AMELY: variants seen among roughly 807,000 people sequenced by gnomAD.
AMELY encodes amelogenin Y-linked.
Under a neutral mutation model 4.2 loss-of-function variants are expected in AMELY, and 4 were observed. The observed-to-expected ratio is 0.96, with a 90% confidence interval of 0.47 to 2.19. The LOEUF (loss-of-function observed/expected upper bound fraction) is 2.19. Among genes scored for constraint, AMELY ranks in the 30% most tolerant of loss-of-function variants. AMELY has a pLI of 0.02. For missense variants in AMELY, 32 were observed against 41.5 expected (o/e 0.77, Z 0.63); for synonymous variants, 11 against 14.7 (o/e 0.75, Z 0.57).
intron 1 of AMELY, among the ~76,000 whole-genome samples, chrY:6,885,884 G>C (rs2054079790): frequency 2.9e-5 from 1 of 34,333 alleles, no homozygotes; most frequent in African/African-American, 1.1e-4. Flanking sequence ...TTGGAAGGTG[G>C]CATGGGAGTG....
chrY:6,907,466 A>G (rs2011667243), intron 1 of AMELY, among the ~76,000 whole-genome samples: 2 of 32,109 alleles, frequency 6.2e-5, no homozygotes, highest in African/African-American at 1.2e-4. Context: ...TTTGTCTTTT[A>G]CATTTAGGGC....
intron 1 of AMELY, among the ~76,000 whole-genome samples, chrY:6,905,908 T>C: frequency 3.0e-5 from 1 of 33,243 alleles, no homozygotes; most frequent in Admixed American, 2.8e-4. Context: ...TTCATGTTTA[T>C]ATGCGATATG....
intron 1 of AMELY, among the ~76,000 whole-genome samples, chrY:6,884,112 C>A: frequency 3.1e-5 from 1 of 32,032 alleles, no homozygotes; most frequent in Non-Finnish European, 7.6e-5. Flanking sequence ...TACTATGCAG[C>A]CATAAAAAAA....
In AMELY at chrY:6,868,558, T is replaced by C. The variant is rs778712863; in HGVS notation, c.148-96A>G. The C allele has an allele frequency of 7.2e-5, 26 of 358,823 alleles. No individual in the cohort carries two copies. The East Asian group carries it at 2.4e-3, about 34-fold the overall frequency. 89.5% of individuals were successfully genotyped at this position (358,823 alleles called of 400,897 possible). ...CTTTGCCATTATGGCCATAGGAATATTGTATTTATCTTTCCTTTGCAAAAA... is the reference window on the plus strand; with the variant it reads ...CTTTGCCATTATGGCCATAGGAATACTGTATTTATCTTTCCTTTGCAAAAA... On this transcript the variant is annotated intron_variant, in intron 5 of 6. Transcript: ENST00000651267.
intron 1 of AMELY, among the ~76,000 whole-genome samples, chrY:6,896,709 TGCCTGTAGTTCCA>T (rs2054086434): frequency 3.0e-5 from 1 of 33,398 alleles, no homozygotes; most frequent in African/African-American, 1.2e-4. Flanking sequence ...TTGTGGCACA[TGCCTGTAGTTCCA>T]GCTACTCAGG....
At chrY:6,882,195 C>A in intron 1 of AMELY, among the ~76,000 whole-genome samples, 1 of 32,959 alleles carries the variant, frequency 3.0e-5, no homozygotes. Context: ...GACTATACTG[C>A]AAGGCTATAG....
chrY:6,870,234 G>A, intron 3 of AMELY, among the ~76,000 whole-genome samples, 181 bp from the exon 4 acceptor site: 1 of 33,544 alleles, frequency 3.0e-5, no homozygotes, highest in Non-Finnish European at 7.4e-5. Flanking sequence ...GTTAAAACAA[G>A]TGTGCTATGT....
At chrY:6,872,837 T>C (rs747723257) in intron 2 of AMELY, among the ~76,000 whole-genome samples, 10 of 33,524 alleles carry the variant, frequency 3.0e-4, no homozygotes, top group African/African-American at 1.1e-3. Context: ...GGTTGGAAAC[T>C]GAACAAGTTG....
Position 6,874,084 on chromosome Y carries a change from A to G in AMELY, c.-112-13T>C. On this transcript the variant is annotated splice_polypyrimidine_tract_variant and intron_variant, in intron 1 of 6. Transcript: ENST00000651267. Reference sequence around the variant, plus strand: ...TCCTTCAAGGTATCTACAACAACCAATCAGATTTGTGAAGAAAAAATGTGT... The same window carrying G: ...TCCTTCAAGGTATCTACAACAACCAGTCAGATTTGTGAAGAAAAAATGTGT... 6.0e-5 allele frequency: 2 copies of G among 33,134 alleles called. No homozygotes were observed. Among genetic ancestry groups the G allele is most frequent in the Admixed American group, 5.6e-4 (2 of 3,556 alleles). The allele number at this position is 33,134 out of a possible 400,897, so 8.3% of individuals were successfully genotyped here.
In AMELY at chrY:6,886,886, A is replaced by T; in HGVS notation, c.-112-12815T>A. Among the ~76,000 whole-genome samples the T allele has an allele frequency of 1.2e-4, 4 of 33,671 alleles. No individual in the cohort carries two copies. The South Asian group carries it at 2.6e-3, about 22-fold the overall frequency. The allele number at this position is 33,671 out of a possible 37,273, so 90.3% of individuals were successfully genotyped here. A position where few individuals can be genotyped will look rare whatever the true frequency, so the allele number is the denominator to read the frequency against. ...TCTACAAATATACGTTCAATGAATCACAAAAAAGATGATGCTAAAGACAAA... is the reference window on the plus strand; with the variant it reads ...TCTACAAATATACGTTCAATGAATCTCAAAAAAGATGATGCTAAAGACAAA... On this transcript the variant is annotated intron_variant, in intron 1 of 6. Coordinates refer to ENST00000651267, the MANE Select transcript of AMELY (RefSeq NM_001143.2).
intron 4 of AMELY, among the ~76,000 whole-genome samples, chrY:6,869,727 T>C (rs944519792): frequency 5.4e-4 from 18 of 33,346 alleles, no homozygotes; most frequent in Non-Finnish European, 1.1e-3. Context: ...TGCCCTTTCA[T>C]GGAACCTTCC....
At chrY:6,884,226 A>C in intron 1 of AMELY, among the ~76,000 whole-genome samples, 1 of 26,623 alleles carries the variant, frequency 3.8e-5, no homozygotes, top group Admixed American at 3.7e-4. Flanking sequence ...GTGGGAGGTG[A>C]ACAATTAGAA....
chrY:6,867,486 G>A, intron 6 of AMELY, among the ~76,000 whole-genome samples: 1 of 33,270 alleles, frequency 3.0e-5, no homozygotes, highest in East Asian at 7.8e-4. Flanking sequence ...GCACTAAAAA[G>A]GACTCTAACA....
At chrY:6,867,187 A>G in intron 6 of AMELY, among the ~76,000 whole-genome samples, 1 of 33,453 alleles carries the variant, frequency 3.0e-5, no homozygotes, top group Non-Finnish European at 7.3e-5. Flanking sequence ...GGGCAAAGCC[A>G]GAACTTGAAC....
At chrY:6,877,611 A>T in intron 1 of AMELY, among the ~76,000 whole-genome samples, 1 of 32,691 alleles carries the variant, frequency 3.1e-5, no homozygotes, top group South Asian at 7.3e-4. Context: ...TACCAGCTGG[A>T]CGGGGACCTG....
intron 4 of AMELY, 110 bp from the exon 5 acceptor site, chrY:6,868,886 A>G: frequency 4.0e-6 from 1 of 250,004 alleles, no homozygotes; most frequent in Non-Finnish European, 6.8e-6. Context: ...TCCTGTCAAC[A>G]TTGATAGCCT....
chrY:6,887,372 T>A, intron 1 of AMELY, among the ~76,000 whole-genome samples: 1 of 34,037 alleles, frequency 2.9e-5, no homozygotes, highest in South Asian at 6.6e-4. Context: ...TACAAATTTA[T>A]ATTGATGAAC....
At chrY:6,910,308 C>G (rs771056200) in intron 1 of AMELY, among the ~76,000 whole-genome samples, 1 of 32,466 alleles carries the variant, frequency 3.1e-5, no homozygotes, top group South Asian at 7.0e-4. Context: ...GGACAGGTGA[C>G]GGGAGTTCCG....
At chrY:6,866,828 G>A in intron 6 of AMELY, among the ~76,000 whole-genome samples, 1 of 28,550 alleles carries the variant, frequency 3.5e-5, no homozygotes, top group Non-Finnish European at 8.1e-5. Context: ...TTTTCCCTTC[G>A]TGTTTTTAGT....
Sources: gnomAD v4.1 joint callset for allele counts (sites outside exome capture counted in the v4.1 genomes callset) on GRCh38, gnomAD v4.1.1 for gene constraint, MANE v1.5 for transcripts, NCBI Gene and HGNC (gene_info 2026-07-23, HGNC 2026-07-21) for gene names.